Variants in C3orf20 observed in about 807,000 individuals in gnomAD.
The protein encoded by C3orf20 is uncharacterized protein C3orf20.
In C3orf20, 76 loss-of-function variants were observed where a neutral mutation model predicts 88.3. That is an observed-to-expected ratio of 0.86 (90% CI 0.72 to 1.04). The LOEUF is 1.04. Among genes scored for constraint, C3orf20 ranks in the 50% least tolerant of loss-of-function variants. The pLI is 0.00. For missense variants in C3orf20, 1,056 were observed against 1,123.3 expected, an observed-to-expected ratio of 0.94 and a Z score of 0.86; for synonymous variants, 436 against 437.4, an observed-to-expected ratio of 1.00 and a Z score of 0.04.
intron 5 of C3orf20, among the ~76,000 whole-genome samples, chr3:14,693,522 C>T (rs1480690009): frequency 6.6e-6 from 1 of 152,124 alleles, no homozygotes; most frequent in Non-Finnish European, 1.5e-5. Flanking sequence ...AGAAATGCTA[C>T]TGATTTTTAT....
intron 15 of C3orf20, among the ~76,000 whole-genome samples, chr3:14,762,221 A>C (rs927901871): frequency 6.6e-6 from 1 of 152,190 alleles, no homozygotes; most frequent in East Asian, 1.9e-4. Context: ...CCATTCATGA[A>C]GTGATCCCAG....
At chr3:14,677,197 G>A (rs1419007355) in intron 1 of C3orf20, among the ~76,000 whole-genome samples, 1 of 152,162 alleles carries the variant, frequency 6.6e-6, no homozygotes, top group Non-Finnish European at 1.5e-5. Flanking sequence ...ATAACCTGAG[G>A]AGGCTTAGTT....
At chr3:14,697,122 G>T (rs1168946957) in intron 5 of C3orf20, among the ~76,000 whole-genome samples, 1 of 151,976 alleles carries the variant, frequency 6.6e-6, no homozygotes, top group Non-Finnish European at 1.5e-5. Flanking sequence ...CTTGACCTTT[G>T]GGAGTTTGGT....
At chr3:14,676,624 T>TC (rs1027773984) in intron 1 of C3orf20, among the ~76,000 whole-genome samples, 2 of 151,914 alleles carry the variant, frequency 1.3e-5, no homozygotes, top group Non-Finnish European at 2.9e-5. Context: ...CTGACACTCC[T>TC]CCCCCCCATT....
chr3:14,765,688 G>A (rs1227980147), intron 15 of C3orf20: 1 of 152,870 alleles, frequency 6.5e-6, no homozygotes, highest in African/African-American at 2.4e-5. Context: ...CAGGTGCAGG[G>A]AAGCTGGGCT....
At chr3:14,712,180 GCGCACACACACACACA>G (rs1395040754) in intron 7 of C3orf20, among the ~76,000 whole-genome samples, 3 of 108,828 alleles carry the variant, frequency 2.8e-5, no homozygotes, top group Non-Finnish European at 5.9e-5. Flanking sequence ...ACACGCGCGC[GCGCACACACACACACA>G]CACACACACA....
chr3:14,745,999 C>T (rs908777930), intron 12 of C3orf20, among the ~76,000 whole-genome samples: 1 of 152,196 alleles, frequency 6.6e-6, no homozygotes, highest in Non-Finnish European at 1.5e-5. Context: ...ACTTCCCATT[C>T]TCCCTTCCCT....
intron 13 of C3orf20, among the ~76,000 whole-genome samples, chr3:14,759,148 G>A (rs1183046504): frequency 6.6e-6 from 1 of 152,190 alleles, no homozygotes; most frequent in African/African-American, 2.4e-5. Flanking sequence ...AGACTTGGAA[G>A]CAGGTGTCAG....
intron 1 of C3orf20, among the ~76,000 whole-genome samples, chr3:14,678,821 G>A (rs993954170): frequency 6.6e-6 from 1 of 151,614 alleles, no homozygotes; most frequent in African/African-American, 2.4e-5. Context: ...GCAGAGATGA[G>A]ACCATATGGA....
chr3:14,707,501 A>G (rs1370853563), intron 7 of C3orf20, among the ~76,000 whole-genome samples: 3 of 137,260 alleles, frequency 2.2e-5, no homozygotes, highest in East Asian at 2.2e-4. Context: ...GTTTTGGTGT[A>G]TCTTCTTTGG....
chr3:14,697,801 A>T (rs1042323561), intron 5 of C3orf20, among the ~76,000 whole-genome samples: 6 of 150,162 alleles, frequency 4.0e-5, no homozygotes, highest in Non-Finnish European at 8.9e-5. Flanking sequence ...GAGTGAGAAC[A>T]TGCAGTGTTT....
intron 12 of C3orf20, among the ~76,000 whole-genome samples, chr3:14,737,339 T>C (rs567084672): frequency 2.0e-5 from 3 of 152,300 alleles, no homozygotes; most frequent in South Asian, 2.1e-4. Flanking sequence ...CTAAGTTTCA[T>C]GTACAGGCAT....
In C3orf20 at chr3:14,772,569, C is replaced by A. The variant is rs887635528; in HGVS notation, c.2631-222C>A. Among the ~76,000 whole-genome samples, 34 of 152,224 alleles carry A rather than the reference C, an allele frequency of 2.2e-4. No homozygotes were observed. Among genetic ancestry groups the A allele is most frequent in the African/African-American group, 8.0e-4 (33 of 41,458 alleles). On this transcript the variant is annotated intron_variant, in intron 16 of 16. Transcript: ENST00000253697. This position sits in a 1 kb window ranked among gnomAD's most constrained non-coding sequence, Gnocchi z 4.2. ...ACCATGAAATGAATCACACATTCGG[C>A]ATGGCGTGGAAATCACATATTTCTC...
intron 12 of C3orf20, among the ~76,000 whole-genome samples, chr3:14,731,163 C>T (rs2034530321): frequency 6.6e-6 from 1 of 152,206 alleles, no homozygotes; most frequent in East Asian, 1.9e-4. Flanking sequence ...ACCCTTAATC[C>T]CTGACAACCA....
In C3orf20 at chr3:14,704,688, A is replaced by G. The variant is rs2033426577; in HGVS notation, c.1160+70A>G. 1.2e-5 allele frequency: 19 copies of G among 1,549,222 alleles called. No individual in the cohort carries two copies. The South Asian group carries it at 2.3e-4, about 19-fold the overall frequency. On this transcript the variant is annotated intron_variant, in intron 7 of 16. Transcript: ENST00000253697. ...CCCAGAGAAGTCCAGGACTTGATAC[A>G]GCCTAAATGTTTCCTTGGGCCTTTT... is the stretch of plus-strand genomic sequence containing the variant.
intron 7 of C3orf20, among the ~76,000 whole-genome samples, chr3:14,705,451 C>G (rs757166210): frequency 6.6e-6 from 1 of 152,198 alleles, no homozygotes; most frequent in Non-Finnish European, 1.5e-5. Flanking sequence ...GTATCTGTCA[C>G]GTGCAATGAA....
intron 12 of C3orf20, among the ~76,000 whole-genome samples, chr3:14,733,473 G>C (rs1167018869): frequency 1.3e-5 from 2 of 152,028 alleles, no homozygotes; most frequent in Non-Finnish European, 2.9e-5. Flanking sequence ...TTATATGGTG[G>C]ACTTTGTGTA....
intron 10 of C3orf20, chr3:14,722,370 T>TA: frequency 4.7e-6 from 2 of 425,008 alleles, no homozygotes; most frequent in Non-Finnish European, 9.5e-6. Flanking sequence ...TCCCATTGAC[T>TA]AGGCTTGAGG....
intron 12 of C3orf20, among the ~76,000 whole-genome samples, chr3:14,738,022 G>T (rs189013225): frequency 4.6e-5 from 7 of 152,180 alleles, no homozygotes; most frequent in African/African-American, 1.7e-4. Flanking sequence ...TTCTAGCTTT[G>T]TTGCTATTTC....
Sources: gnomAD v4.1 joint callset for allele counts (sites outside exome capture counted in the v4.1 genomes callset) on GRCh38, gnomAD v4.1.1 for gene constraint, Gnocchi (gnomAD v3.1) non-coding constraint, MANE v1.5 for transcripts, NCBI Gene and HGNC (gene_info 2026-07-23, HGNC 2026-07-21) for gene names.